Variants in ATF7IP observed in about 807,000 individuals in gnomAD.
ATF7IP encodes activating transcription factor 7 interacting protein, also known as activating transcription factor 7-interacting protein 1.
A neutral mutation model predicts 106.4 loss-of-function variants in ATF7IP; 23 were observed. The observed-to-expected ratio is 0.22, with a 90% CI of 0.16 to 0.31. The LOEUF (loss-of-function observed/expected upper bound fraction) is 0.31. ATF7IP is among the 10% of genes least tolerant of loss of function. ATF7IP has a pLI of 1.00. For synonymous variants in ATF7IP, 542 were observed against 539.0 expected (o/e 1.01, Z -0.08); for missense variants, 1,334 against 1,524.3 (o/e 0.88, Z 2.08).
intron 1 of ATF7IP, among the ~76,000 whole-genome samples, chr12:14,372,167 T>C (rs1938559144): frequency 6.6e-6 from 1 of 152,134 alleles, no homozygotes; most frequent in Non-Finnish European, 1.5e-5. Flanking sequence ...TACTTTGCCA[T>C]GTTCTTTCTC....
chr12:14,412,248 T>G (rs751472033), intron 1 of ATF7IP, among the ~76,000 whole-genome samples: 7 of 152,152 alleles, frequency 4.6e-5, no homozygotes, highest in Non-Finnish European at 7.4e-5. Flanking sequence ...TCTTCAAGAT[T>G]GTTTTGGTTG....
At chr12:14,436,366 G>C (rs761794694) in intron 4 of ATF7IP, 115 bp downstream of exon 4, 3 of 1,080,660 alleles carry the variant, frequency 2.8e-6, no homozygotes, top group Non-Finnish European at 1.3e-6. Context: ...ATCATAGAAA[G>C]AAAGAACTTG....
chr12:14,429,022 C>T (rs939846737), intron 2 of ATF7IP, among the ~76,000 whole-genome samples: 2 of 152,156 alleles, frequency 1.3e-5, no homozygotes, highest in Admixed American at 6.5e-5. Flanking sequence ...GGAGCTTCAT[C>T]GCCATACCAT....
At chr12:14,391,865 G>A (rs1398957673) in intron 1 of ATF7IP, among the ~76,000 whole-genome samples, 2 of 152,122 alleles carry the variant, frequency 1.3e-5, no homozygotes, top group Non-Finnish European at 2.9e-5. Context: ...GGGATTATAG[G>A]CGTGCGCCAC....
chr12:14,381,980 G>A (rs1447504050), intron 1 of ATF7IP, among the ~76,000 whole-genome samples: 6 of 150,534 alleles, frequency 4.0e-5, no homozygotes, highest in Non-Finnish European at 8.9e-5. Context: ...TTGCAAGAGT[G>A]AAATAAAAAA....
intron 8 of ATF7IP, among the ~76,000 whole-genome samples, chr12:14,457,624 C>G (rs1246346665): frequency 6.6e-6 from 1 of 152,052 alleles, no homozygotes; most frequent in Non-Finnish European, 1.5e-5. Flanking sequence ...ATTCAAATCT[C>G]TATTGTAGTA....
chr12:14,399,727 G>A (rs867305038), intron 1 of ATF7IP, among the ~76,000 whole-genome samples: 9 of 151,702 alleles, frequency 5.9e-5, no homozygotes, highest in Admixed American at 1.3e-4. Context: ...TACACTTAGA[G>A]GATTTTTTAA....
At chr12:14,468,385 A>G (rs1453534538) in intron 10 of ATF7IP, among the ~76,000 whole-genome samples, 1 of 151,830 alleles carries the variant, frequency 6.6e-6, no homozygotes, top group Non-Finnish European at 1.5e-5. Flanking sequence ...TCACGTCTAT[A>G]ATCCCGGCAC....
At chr12:14,478,129 T>C (rs1300405997) in intron 11 of ATF7IP, among the ~76,000 whole-genome samples, 188 bp from the exon 12 acceptor site, 1 of 152,230 alleles carries the variant, frequency 6.6e-6, no homozygotes, top group African/African-American at 2.4e-5. Context: ...ACCAGCAAAT[T>C]ACATATGCTC....
At chr12:14,418,320 G>C (rs1941309156) in intron 1 of ATF7IP, among the ~76,000 whole-genome samples, 1 of 152,058 alleles carries the variant, frequency 6.6e-6, no homozygotes, top group Admixed American at 6.5e-5. Flanking sequence ...AATACTTTCA[G>C]GAGAAACTAG....
chr12:14,460,450 A>C, intron 8 of ATF7IP, 45 bp from the exon 9 acceptor site: 1 of 1,518,542 alleles, frequency 6.6e-7, no homozygotes, highest in South Asian at 1.3e-5. Context: ...TAGTTGATAA[A>C]TTAATATAAC....
At chr12:14,397,632 G>C (rs1367607213) in intron 1 of ATF7IP, among the ~76,000 whole-genome samples, 2 of 152,040 alleles carry the variant, frequency 1.3e-5, no homozygotes, top group Admixed American at 1.3e-4. Flanking sequence ...TCTGTCTGTA[G>C]CTCTCTTTCT....
chr12:14,391,184 G>A (rs1939526892), intron 1 of ATF7IP, among the ~76,000 whole-genome samples: 1 of 152,170 alleles, frequency 6.6e-6, no homozygotes, highest in Non-Finnish European at 1.5e-5. Context: ...GTAACAGTCT[G>A]TTATTAGTCA....
At chr12:14,449,879 T>C (rs1943129587) in intron 6 of ATF7IP, among the ~76,000 whole-genome samples, 1 of 152,104 alleles carries the variant, frequency 6.6e-6, no homozygotes, top group Non-Finnish European at 1.5e-5. Context: ...CCAACATTGT[T>C]TTGTAGTTTT....
chr12:14,410,594 TAAAGG>T (rs1940858633), intron 1 of ATF7IP, among the ~76,000 whole-genome samples: 2 of 152,210 alleles, frequency 1.3e-5, no homozygotes, highest in East Asian at 1.9e-4. Context: ...TTTGACTTAA[TAAAGG>T]AAAGAAAGAA....
At chr12:14,463,457 T>A (rs1278727748) in intron 9 of ATF7IP, among the ~76,000 whole-genome samples, 1 of 152,162 alleles carries the variant, frequency 6.6e-6, no homozygotes, top group Non-Finnish European at 1.5e-5. Context: ...TATAAAATAG[T>A]CACTATGATC....
At chr12:14,488,738 T>C (rs566667955) in intron 13 of ATF7IP, among the ~76,000 whole-genome samples, 3 of 152,296 alleles carry the variant, frequency 2.0e-5, no homozygotes, top group South Asian at 2.1e-4. Context: ...GCCATACTTA[T>C]GCCTAACATA....
intron 5 of ATF7IP, among the ~76,000 whole-genome samples, chr12:14,440,188 G>GA (rs1942629270): frequency 6.6e-6 from 1 of 151,976 alleles, no homozygotes; most frequent in Non-Finnish European, 1.5e-5. Flanking sequence ...TTATTTCCTA[G>GA]AAAAAATAAA....
At chr12:14,410,169 A>G (rs1031890656) in intron 1 of ATF7IP, among the ~76,000 whole-genome samples, 2 of 152,302 alleles carry the variant, frequency 1.3e-5, no homozygotes, top group East Asian at 3.9e-4. Context: ...TTTCATATAC[A>G]TTAGTCCCCC....
Sources: allele counts gnomAD v4.1 joint callset (sites outside exome capture counted in the v4.1 genomes callset), GRCh38; gene constraint gnomAD v4.1.1; transcripts MANE v1.5; gene names NCBI Gene and HGNC (gene_info 2026-07-23, HGNC 2026-07-21).